BIRC6: variants seen among roughly 807,000 people sequenced by gnomAD.
BIRC6 encodes baculoviral IAP repeat containing 6, also known as dual E2 ubiquitin-conjugating enzyme/E3 ubiquitin-protein ligase BIRC6.
A neutral mutation model predicts 503.3 loss-of-function variants in BIRC6; 98 were observed. The observed-to-expected ratio is 0.19, with a 90% CI of 0.17 to 0.23. The LOEUF is 0.23. Ranked by LOEUF, BIRC6 falls within the 10% of genes least tolerant of loss-of-function variation. BIRC6 has a pLI of 1.00. For synonymous variants in BIRC6, 2,240 were observed against 2,078.7 expected, an observed-to-expected ratio of 1.08 and a Z score of -2.11; for missense variants, 5,360 against 5,806.0, an observed-to-expected ratio of 0.92 and a Z score of 2.50.
chr2:32,361,594 T>C (rs2034098008), intron 1 of BIRC6, among the ~76,000 whole-genome samples: 1 of 152,158 alleles, frequency 6.6e-6, no homozygotes, highest in South Asian at 2.1e-4. Flanking sequence ...GTTTGGACAA[T>C]GTATAGTGAC....
chr2:32,541,567 G>A (rs2057668513), intron 61 of BIRC6, among the ~76,000 whole-genome samples: 1 of 152,066 alleles, frequency 6.6e-6, no homozygotes, highest in East Asian at 1.9e-4. Flanking sequence ...CATACAGGAA[G>A]CTTAGGAATC....
At chr2:32,500,228 C>A (rs1297071608) in intron 46 of BIRC6, 119 bp downstream of exon 46, 55 of 878,710 alleles carry the variant, frequency 6.3e-5, no homozygotes, top group Non-Finnish European at 8.4e-5. Flanking sequence ...TTAAGCTTTT[C>A]ATGACTGATT....
rs1332424728 is a variant in BIRC6 at position 32,493,547 on chromosome 2, C to T, written c.8348C>T (p.Pro2783Leu). 2.7e-5 allele frequency: 44 copies of T among 1,607,172 alleles called. 1 individual carries two copies. In the Admixed American group the frequency reaches 7.3e-4, roughly 27 times the overall value. The change falls in exon 45 of 74, where the codon CCT (proline) becomes CTT (leucine). Residue 2783 changes from proline to leucine, a missense_variant. By Grantham distance (98) the Pro-to-Leu change is moderately conservative. Around this residue, in one of 16 missense-constraint regions of BIRC6, gnomAD observed 2,299 missense variants for 2,267.2 expected, o/e 1.01. Coordinates refer to ENST00000421745, the MANE Select transcript of BIRC6 (RefSeq NM_016252.4). ...GTNQHSPQVG[P>L]TATQAMQEFL... Reference sequence around the variant, plus strand: ...ATATACATTTCTCTTTAGGTTGGTCCTACAGCTACACAAGCTATGCAAGAA... The same window carrying T: ...ATATACATTTCTCTTTAGGTTGGTCTTACAGCTACACAAGCTATGCAAGAA...
intron 59 of BIRC6, 104 bp from the exon 60 acceptor site, chr2:32,529,547 C>G: frequency 9.2e-7 from 1 of 1,092,780 alleles, no homozygotes. Context: ...AAATTGGTTT[C>G]AGAATCAAAC....
At chr2:32,535,873 A>G (rs970976338) in intron 61 of BIRC6, among the ~76,000 whole-genome samples, 1 of 152,226 alleles carries the variant, frequency 6.6e-6, no homozygotes, top group Non-Finnish European at 1.5e-5. Context: ...TCCCTGAGGA[A>G]TTGCTACACT....
In BIRC6 at chr2:32,477,463, A is replaced by G. The variant is rs367966870; in HGVS notation, c.6948A>G (p.Ile2316Met). 5 of 1,613,926 alleles carry G rather than the reference A, an allele frequency of 3.1e-6. No individual in the cohort carries two copies. In the African/African-American group the frequency reaches 6.7e-5, roughly 22 times the overall value. The change falls in exon 35 of 74, where the codon ATA becomes ATG. Residue 2316 changes from isoleucine (I) to methionine (M), a missense_variant. Ile to Met is a conservative substitution (Grantham distance 10, BLOSUM62 1). Coordinates refer to ENST00000421745, the MANE Select transcript of BIRC6 (RefSeq NM_016252.4). ...CAACAGCAAAAGAAAGTCCTGAGAT[A>G]GAACCACTTCCATTTACTCTGGCCC... ...EVTTAKESPE[I>M]EPLPFTLAHE... is the part of the protein sequence containing the mutation.
chr2:32,517,658 A>G (rs1456973656), intron 55 of BIRC6, among the ~76,000 whole-genome samples: 2 of 152,096 alleles, frequency 1.3e-5, no homozygotes, highest in South Asian at 2.1e-4. Context: ...GCCGTGGCTC[A>G]CTGAAACTTT....
At chr2:32,426,796 C>G (rs902526183) in intron 10 of BIRC6, among the ~76,000 whole-genome samples, 6 of 151,720 alleles carry the variant, frequency 4.0e-5, no homozygotes, top group Admixed American at 2.0e-4. Flanking sequence ...TTCTTTGGGG[C>G]TTTCTTTGTT....
In BIRC6 at chr2:32,513,175, C is replaced by CT. The variant is rs537922088; in HGVS notation, c.10568+27dup. 8 of 1,578,212 alleles carry CT rather than the reference C, an allele frequency of 5.1e-6. No homozygotes were observed. In the African/African-American group the frequency reaches 6.7e-5, roughly 13 times the overall value. ...TTTGAGTAAGTATGATTTGTGAAAT[C>CT]TTTTTTATCCCCCAGTACTAGATCA... On this transcript the variant is annotated intron_variant, in intron 54 of 73. Coordinates refer to ENST00000421745, the MANE Select transcript of BIRC6 (RefSeq NM_016252.4).
At position 32,465,041 on chromosome 2, in the gene BIRC6, A is replaced by T. The variant is rs187901351; in HGVS notation, c.5257-24A>T. On this transcript the variant is annotated intron_variant, in intron 25 of 73. Coordinates refer to ENST00000421745, the MANE Select transcript of BIRC6 (RefSeq NM_016252.4). ...TATAGTAATATCAATATAAAGTTAG[A>T]TTTTTTTTTTTTCCCTGCTCTAGAA... 4.5e-6 allele frequency: 5 copies of T among 1,103,070 alleles called. No homozygotes were observed. In the Admixed American group the frequency reaches 7.6e-5, roughly 17 times the overall value. 68.3% of individuals were successfully genotyped at this position (1,103,070 alleles called of 1,614,324 possible). A position where few individuals can be genotyped will look rare whatever the true frequency, so the allele number is the denominator to read the frequency against.
chr2:32,611,491 C>A lies in BIRC6; in HGVS notation c.14303C>A (p.Ala4768Asp). 6.2e-7 allele frequency: 1 copy of A among 1,610,382 alleles called. No homozygotes were observed. The highest frequency in any genetic ancestry group is 8.5e-7 in the Non-Finnish European group (1 of 1,177,752). ...TACTTGAAAAGAGTTGAGATAATGGCCCAATGTGAGGAGTGGATTGCGGAT... is the reference window on the plus strand; with the variant it reads ...TACTTGAAAAGAGTTGAGATAATGGACCAATGTGAGGAGTGGATTGCGGAT... ...HFYLKRVEIM[A>D]QCEEWIADIQ... The change falls in exon 73 of 74, where the codon GCC becomes GAC. Residue 4768 changes from alanine to aspartate, a missense_variant. Ala to Asp is a moderately radical substitution (Grantham distance 126). Coordinates refer to ENST00000421745, the MANE Select transcript of BIRC6 (RefSeq NM_016252.4).
Position 32,429,219 on chromosome 2 carries a change from A to T in BIRC6, c.2946A>T (p.Gly982=). The change falls in exon 11 of 74, where the codon GGA becomes GGT. Residue 982 remains glycine, a synonymous_variant. Coordinates refer to ENST00000421745, the MANE Select transcript of BIRC6 (RefSeq NM_016252.4). The stretch of plus-strand genomic sequence containing the variant: ...ATGAAGCTGATATACTAGTGGATGG[A>T]TCTCTTTCTAAAGGAATAGAACCAT... ...DIDEADILVD[G]SLSKGIEPSS... The T allele has an allele frequency of 6.4e-7, 1 of 1,569,962 alleles. No homozygotes were observed. The highest frequency in any genetic ancestry group is 8.7e-7 in the Non-Finnish European group (1 of 1,155,344).
intron 1 of BIRC6, among the ~76,000 whole-genome samples, chr2:32,371,995 G>C (rs2036039514): frequency 6.6e-6 from 1 of 151,456 alleles, no homozygotes; most frequent in Admixed American, 6.6e-5. Flanking sequence ...AGTAGAGACA[G>C]GGTTTCACCA....
chr2:32,442,282 GA>G (rs1558736168), intron 18 of BIRC6, 41 bp from the exon 19 acceptor site: 1 of 1,606,954 alleles, frequency 6.2e-7, no homozygotes, highest in Non-Finnish European at 8.5e-7. Context: ...TGTTATGATT[GA>G]AAGTTCAGGA....
intron 5 of BIRC6, among the ~76,000 whole-genome samples, chr2:32,392,737 C>T (rs895368529): frequency 2.0e-5 from 3 of 152,256 alleles, no homozygotes; most frequent in Admixed American, 2.0e-4. Context: ...GATCCGCCCA[C>T]CTCAGCCTCC....
intron 1 of BIRC6, among the ~76,000 whole-genome samples, chr2:32,358,907 G>T (rs550536446): frequency 1.6e-4 from 25 of 152,296 alleles, no homozygotes; most frequent in African/African-American, 5.8e-4. Flanking sequence ...GGACATAATG[G>T]CTTCTCACTG....
rs1216510289 is a variant in BIRC6, at chr2:32,478,485, T to C, written c.7069-150T>C. ...TCATGAAATTACATTCTTTTTTGCA[T>C]TCCATCTCAAGCAATTTTTTTTGAT... is the stretch of plus-strand genomic sequence containing the variant. On this transcript the variant is annotated intron_variant, in intron 35 of 73. Transcript: ENST00000421745. The C allele has an allele frequency of 5.6e-6, 3 of 531,264 alleles. No individual in the cohort carries two copies. The African/African-American group carries it at 5.9e-5, about 11-fold the overall frequency. 32.9% of individuals were successfully genotyped at this position (531,264 alleles called of 1,614,324 possible).
At chr2:32,486,930 A>G (rs192667103) in intron 40 of BIRC6, among the ~76,000 whole-genome samples, 157 of 152,276 alleles carry the variant, frequency 1.0e-3, no homozygotes, top group African/African-American at 3.4e-3. Flanking sequence ...GTACTGCCCA[A>G]AGTAACCCTT....
At chr2:32,464,469 C>T (rs2048318502) in intron 24 of BIRC6, 40 bp from the exon 25 acceptor site, 20 of 1,497,440 alleles carry the variant, frequency 1.3e-5, no homozygotes, top group Non-Finnish European at 1.8e-5. Context: ...TTTAGGTAGG[C>T]AGGATTAGTC....
Sources: gnomAD v4.1 joint callset for allele counts (sites outside exome capture counted in the v4.1 genomes callset) on GRCh38, gnomAD v4.1.1 for gene constraint, gnomAD v4.1.1 regional missense constraint, MANE v1.5 for transcripts, NCBI Gene and HGNC (gene_info 2026-07-23, HGNC 2026-07-21) for gene names.